ANKS1B: variants seen among roughly 807,000 people sequenced by gnomAD.
ANKS1B encodes ankyrin repeat and sterile alpha motif domain-containing protein 1B.
In ANKS1B, 36 loss-of-function variants were observed where a neutral mutation model predicts 148.3. The observed-to-expected ratio is 0.24, with a 90% CI of 0.19 to 0.32. The LOEUF is 0.32. ANKS1B is among the 10% of genes least tolerant of loss of function. The pLI, the probability that ANKS1B is intolerant of heterozygous loss-of-function variation, is 1.00. For synonymous variants in ANKS1B, 542 were observed against 560.8 expected, an observed-to-expected ratio of 0.97 and a Z score of 0.47; for missense variants, 1,157 against 1,542.6, an observed-to-expected ratio of 0.75 and a Z score of 4.19.
intron 8 of ANKS1B, among the ~76,000 whole-genome samples, chr12:99,767,415 A>C (rs919830574): frequency 1.3e-5 from 2 of 151,996 alleles, no homozygotes; most frequent in African/African-American, 2.4e-5. Context: ...TAAAAAAAAA[A>C]CAAAAAAACT....
intron 1 of ANKS1B, among the ~76,000 whole-genome samples, chr12:99,895,959 CTAT>C (rs1443975207): frequency 6.6e-6 from 1 of 151,030 alleles, no homozygotes. Flanking sequence ...TTTGCATTGG[CTAT>C]TTTTTAATTG....
chr12:99,140,924 GAA>G (rs1300185129), intron 15 of ANKS1B, among the ~76,000 whole-genome samples: 1 of 151,928 alleles, frequency 6.6e-6, no homozygotes, highest in Non-Finnish European at 1.5e-5. Context: ...TTATTCACTA[GAA>G]AACAGAAACC....
intron 14 of ANKS1B, among the ~76,000 whole-genome samples, chr12:99,186,185 T>C (rs2079824132): frequency 6.6e-6 from 1 of 152,136 alleles, no homozygotes; most frequent in African/African-American, 2.4e-5. Flanking sequence ...ACACTGTCTC[T>C]CTAGATTCCT....
intron 12 of ANKS1B, among the ~76,000 whole-genome samples, chr12:99,281,174 G>T (rs2078401714): frequency 6.6e-6 from 1 of 152,104 alleles, no homozygotes. Context: ...TACCTTCATT[G>T]TACTGCAACA....
chr12:98,741,562 T>A (rs2097799158), downstream of ANKS1B, among the ~76,000 whole-genome samples: 1 of 152,182 alleles, frequency 6.6e-6, no homozygotes, highest in Non-Finnish European at 1.5e-5. Flanking sequence ...TGGTTGCCCC[T>A]GAGATGAGGC....
At chr12:99,382,202 C>T (rs1023956714) in intron 12 of ANKS1B, among the ~76,000 whole-genome samples, 3 of 152,136 alleles carry the variant, frequency 2.0e-5, no homozygotes, top group South Asian at 2.1e-4. Context: ...ACTGCTTTAA[C>T]GAAGGTGAGT....
chr12:99,323,540 CTCTT>C (rs1239755779), intron 12 of ANKS1B, among the ~76,000 whole-genome samples: 3 of 152,160 alleles, frequency 2.0e-5, no homozygotes, highest in Non-Finnish European at 4.4e-5. Context: ...TTGAAAAGAG[CTCTT>C]TCTTACTTTC....
At chr12:99,012,154 C>T (rs987892075) in intron 17 of ANKS1B, among the ~76,000 whole-genome samples, 3 of 152,260 alleles carry the variant, frequency 2.0e-5, no homozygotes, top group East Asian at 3.9e-4. Context: ...ACCCCAAATT[C>T]GTGTTATGCT....
chr12:98,894,103 C>T (rs1434111862), intron 17 of ANKS1B, among the ~76,000 whole-genome samples: 1 of 152,150 alleles, frequency 6.6e-6, no homozygotes, highest in African/African-American at 2.4e-5. Context: ...GCCCACGTCC[C>T]CCTCTAATTA....
At chr12:99,359,455 T>G (rs1290789749) in intron 12 of ANKS1B, among the ~76,000 whole-genome samples, 4 of 152,116 alleles carry the variant, frequency 2.6e-5, no homozygotes, top group Non-Finnish European at 5.9e-5. Context: ...AAGAAATATT[T>G]GTAGTTAAGT....
At chr12:99,172,571 G>C (rs2077896991) in intron 14 of ANKS1B, among the ~76,000 whole-genome samples, 1 of 152,158 alleles carries the variant, frequency 6.6e-6, no homozygotes, top group Non-Finnish European at 1.5e-5. Context: ...AAGAAATTTA[G>C]TCTGCCATGC....
intron 4 of ANKS1B, among the ~76,000 whole-genome samples, chr12:99,795,962 A>G (rs748830826): frequency 1.1e-4 from 17 of 151,982 alleles, no homozygotes; most frequent in Non-Finnish European, 2.1e-4. Context: ...GATCTTAGCA[A>G]CCTCTGTGTA....
At chr12:99,053,039 A>G (rs941420643) in intron 17 of ANKS1B, 118 bp downstream of exon 17, 2 of 914,516 alleles carry the variant, frequency 2.2e-6, no homozygotes, top group African/African-American at 3.4e-5. Flanking sequence ...ATCGATATTT[A>G]AAACAGAAGG....
intron 12 of ANKS1B, among the ~76,000 whole-genome samples, chr12:99,316,389 T>G (rs2084100578): frequency 6.6e-6 from 1 of 152,224 alleles, no homozygotes. Context: ...GGTATCTAGT[T>G]GTGGTTTTGA....
At chr12:99,562,079 A>G (rs2153200338) in intron 9 of ANKS1B, among the ~76,000 whole-genome samples, 1 of 152,344 alleles carries the variant, frequency 6.6e-6, no homozygotes, top group East Asian at 1.9e-4. Flanking sequence ...GTACATTTCC[A>G]TCAGCAATCT....
chr12:99,029,810 G>C (rs1214272964), intron 17 of ANKS1B, among the ~76,000 whole-genome samples: 2 of 152,220 alleles, frequency 1.3e-5, no homozygotes, highest in East Asian at 3.8e-4. Flanking sequence ...ATAGACCTGG[G>C]CTTGAGCCCT....
At chr12:99,513,206 A>C (rs1388827124) in intron 9 of ANKS1B, among the ~76,000 whole-genome samples, 1 of 152,048 alleles carries the variant, frequency 6.6e-6, no homozygotes, top group Non-Finnish European at 1.5e-5. Flanking sequence ...TTTTAGTAAT[A>C]AAGTATTTTT....
chr12:99,418,487 T>G (rs1166534448), intron 11 of ANKS1B, among the ~76,000 whole-genome samples: 1 of 152,212 alleles, frequency 6.6e-6, no homozygotes, highest in Non-Finnish European at 1.5e-5. Context: ...CCCGTGACCT[T>G]GTTGAGCTCA....
chr12:99,969,085 G>A lies in ANKS1B; in HGVS notation c.134+15019C>T, dbSNP rs549493616. On this transcript the variant is annotated intron_variant, in intron 1 of 26. Coordinates refer to ENST00000683438, the MANE Select transcript of ANKS1B (RefSeq NM_001352186.2). Reference sequence around the variant, plus strand: ...ACACACTCGCCCATCTGGAAACATGGGATGGACAAGTTATTAAAATACCTT... The same window carrying A: ...ACACACTCGCCCATCTGGAAACATGAGATGGACAAGTTATTAAAATACCTT... Among the ~76,000 whole-genome samples, 7 of 152,262 alleles carry A rather than the reference G, an allele frequency of 4.6e-5. No individual in the cohort carries two copies. The South Asian group carries it at 8.3e-4, about 18-fold the overall frequency.
Sources: gnomAD v4.1 joint callset for allele counts (sites outside exome capture counted in the v4.1 genomes callset) on GRCh38, gnomAD v4.1.1 for gene constraint, MANE v1.5 for transcripts, NCBI Gene and HGNC (gene_info 2026-07-23, HGNC 2026-07-21) for gene names.